The following CAMK1D variants were observed in gnomAD, a reference collection of about 807,000 sequenced individuals.
The protein encoded by CAMK1D is calcium/calmodulin-dependent protein kinase type 1D.
Under a neutral mutation model 47.7 loss-of-function variants are expected in CAMK1D, and 9 were observed. The ratio of observed to expected loss-of-function variants is 0.19; its 90% CI spans 0.11 to 0.33. CAMK1D has a LOEUF of 0.33. CAMK1D is among the 10% of genes least tolerant of loss of function. The probability of loss-of-function intolerance (pLI) is 1.00; values close to 1 mark genes in which losing one functional copy is unlikely to be tolerated. For missense variants in CAMK1D, 291 were observed against 488.7 expected, an observed-to-expected ratio of 0.60 and a Z score of 3.81; for synonymous variants, 184 against 184.9, an observed-to-expected ratio of 0.99 and a Z score of 0.04.
At chr10:12,563,692 A>AGAGAGAGAGAGAGAGAGG (rs1564414480) in intron 2 of CAMK1D, among the ~76,000 whole-genome samples, 1 of 63,804 alleles carries the variant, frequency 1.6e-5, no homozygotes, top group East Asian at 4.2e-4. Context: ...AGAGAGAGAG[A>AGAGAGAGAGAGAGAGAGG]GAGAGAGGGA....
At chr10:12,573,982 T>G (rs1191082786) in intron 2 of CAMK1D, among the ~76,000 whole-genome samples, 1 of 151,802 alleles carries the variant, frequency 6.6e-6, no homozygotes, top group Admixed American at 6.6e-5. Flanking sequence ...GGCACCTTCT[T>G]TCTTTAAATT....
chr10:12,438,053 T>C (rs1489221364), intron 1 of CAMK1D, among the ~76,000 whole-genome samples: 1 of 152,208 alleles, frequency 6.6e-6, no homozygotes. Context: ...TTGCATAAAC[T>C]GTTTAGGTGC....
At position 12,380,815 on chromosome 10, in the gene CAMK1D, C is replaced by A. The variant is rs370742654; in HGVS notation, c.92+30905C>A. Among the ~76,000 whole-genome samples, 53 of 152,278 alleles carry A rather than the reference C, an allele frequency of 3.5e-4. No individual in the cohort carries two copies. The South Asian group carries it at 0.011, about 30-fold the overall frequency. On this transcript the variant is annotated intron_variant, in intron 1 of 10. Coordinates refer to ENST00000619168, the MANE Select transcript of CAMK1D (RefSeq NM_153498.4). ...AGATTGCAGTGAGCTGAGATTGCAC[C>A]ACTGCACTTCAGCCTGGGCAACAGA... is the stretch of plus-strand genomic sequence containing the variant.
chr10:12,546,310 G>A (rs188428648), intron 1 of CAMK1D, among the ~76,000 whole-genome samples: 4 of 152,254 alleles, frequency 2.6e-5, no homozygotes. Context: ...GGAGCGGGCG[G>A]GCATTTGAGA....
chr10:12,378,066 T>A (rs1427256167), intron 1 of CAMK1D, among the ~76,000 whole-genome samples: 2 of 152,220 alleles, frequency 1.3e-5, no homozygotes, highest in African/African-American at 4.8e-5. Flanking sequence ...CTTCACAGGC[T>A]GTGAGGCCTC....
intron 1 of CAMK1D, among the ~76,000 whole-genome samples, chr10:12,533,752 A>T (rs1297784748): frequency 1.3e-5 from 2 of 152,158 alleles, no homozygotes; most frequent in Non-Finnish European, 2.9e-5. Context: ...GCATAAATAG[A>T]TTGTGGGTTT....
At chr10:12,596,732 A>T (rs1838156197) in intron 2 of CAMK1D, among the ~76,000 whole-genome samples, 1 of 152,068 alleles carries the variant, frequency 6.6e-6, no homozygotes, top group Non-Finnish European at 1.5e-5. Context: ...TCTAGAATTT[A>T]AACTGGTAGG....
At chr10:12,768,854 A>G (rs1340689897) in intron 4 of CAMK1D, among the ~76,000 whole-genome samples, 1 of 152,160 alleles carries the variant, frequency 6.6e-6, no homozygotes. Flanking sequence ...TCTACATAAA[A>G]CACGATGCAA....
chr10:12,513,761 A>C (rs1835108121), intron 1 of CAMK1D, among the ~76,000 whole-genome samples: 1 of 152,162 alleles, frequency 6.6e-6, no homozygotes, highest in South Asian at 2.1e-4. Flanking sequence ...TGATCATGCC[A>C]CTATACTCCA....
intron 1 of CAMK1D, among the ~76,000 whole-genome samples, chr10:12,509,300 C>G (rs1834970976): frequency 6.6e-6 from 1 of 152,190 alleles, no homozygotes; most frequent in South Asian, 2.1e-4. Flanking sequence ...TGAAAAGCCA[C>G]TAGAGACCAG....
intron 3 of CAMK1D, among the ~76,000 whole-genome samples, chr10:12,749,566 G>T (rs1156435741): frequency 0.027 from 3,165 of 118,470 alleles, 88 homozygotes; most frequent in Middle Eastern, 0.076. Context: ...TTGTTTGTTT[G>T]TTTGTTTGTT....
intron 2 of CAMK1D, among the ~76,000 whole-genome samples, chr10:12,588,253 A>G (rs1445951070): frequency 6.6e-6 from 1 of 152,144 alleles, no homozygotes; most frequent in African/African-American, 2.4e-5. Flanking sequence ...GGAGAATTTC[A>G]GAGCTGGTTT....
At chr10:12,697,252 C>G (rs1284706660) in intron 3 of CAMK1D, among the ~76,000 whole-genome samples, 2 of 152,162 alleles carry the variant, frequency 1.3e-5, no homozygotes, top group Admixed American at 6.5e-5. Context: ...TAGAATTTGT[C>G]TATGGATTCT....
chr10:12,650,514 T>C (rs1839930896), intron 2 of CAMK1D, among the ~76,000 whole-genome samples: 1 of 152,230 alleles, frequency 6.6e-6, no homozygotes. Context: ...CCTGGGTCCC[T>C]TCTCTGTGTT....
intron 2 of CAMK1D, among the ~76,000 whole-genome samples, chr10:12,577,201 G>T (rs58286519): frequency 0.073 from 11,183 of 152,202 alleles, 1,233 homozygotes; most frequent in African/African-American, 0.24. Flanking sequence ...AAGCCCAGGG[G>T]AGGTCCCCGG....
At chr10:12,482,499 T>G (rs977441311) in intron 1 of CAMK1D, among the ~76,000 whole-genome samples, 4 of 151,274 alleles carry the variant, frequency 2.6e-5, no homozygotes, top group African/African-American at 9.7e-5. Flanking sequence ...AATAATAGAA[T>G]TTTTTTTTCT....
intron 2 of CAMK1D, among the ~76,000 whole-genome samples, chr10:12,572,061 C>A (rs1837345854): frequency 7.2e-6 from 1 of 139,726 alleles, no homozygotes; most frequent in Non-Finnish European, 1.5e-5. Flanking sequence ...AAAAAAAGTT[C>A]TGATAGAATA....
At chr10:12,574,205 T>A (rs1837418491) in intron 2 of CAMK1D, among the ~76,000 whole-genome samples, 2 of 152,216 alleles carry the variant, frequency 1.3e-5, no homozygotes, top group African/African-American at 4.8e-5. Context: ...TGACCACTTC[T>A]TGACCACCAA....
chr10:12,534,274 A>G (rs1158311479), intron 1 of CAMK1D, among the ~76,000 whole-genome samples: 3 of 152,196 alleles, frequency 2.0e-5, no homozygotes, highest in Admixed American at 6.5e-5. Context: ...CAGTGGCGCA[A>G]TCTCGGCTCA....
Sources: gnomAD v4.1 joint callset for allele counts (sites outside exome capture counted in the v4.1 genomes callset) on GRCh38, gnomAD v4.1.1 for gene constraint, MANE v1.5 for transcripts, NCBI Gene and HGNC (gene_info 2026-07-23, HGNC 2026-07-21) for gene names.